The following CTTN variants were observed in gnomAD, a reference collection of about 807,000 sequenced individuals.
CTTN encodes the protein src substrate cortactin.
Under a neutral mutation model 84.0 loss-of-function variants are expected in CTTN, and 28 were observed. That is an observed-to-expected ratio of 0.33 (90% CI 0.25 to 0.46). CTTN has a LOEUF of 0.46. Among genes scored for constraint, CTTN ranks in the 20% least tolerant of loss-of-function variants. The pLI is 1.00. For synonymous variants in CTTN, 301 were observed against 288.8 expected, an observed-to-expected ratio of 1.04 and a Z score of -0.43; for missense variants, 641 against 723.8, an observed-to-expected ratio of 0.89 and a Z score of 1.31.
intron 2 of CTTN, 60 bp from the exon 3 acceptor site, chr11:70,407,238 T>G (rs1384880839): frequency 7.0e-7 from 1 of 1,432,534 alleles, no homozygotes; most frequent in African/African-American, 1.4e-5. Context: ...AGGGCTCATC[T>G]GCTGGCCTCT....
In CTTN at chr11:70,431,265, G is replaced by C. The variant is rs750275617; in HGVS notation, c.1251G>C (p.Ser417=). Residue 417 remains serine (S), a synonymous_variant, in exon 15 of 18, where the codon TCG becomes TCC. Transcript: ENST00000301843. ...AGCCAACCGAGGAGAGGCTGCCCTC[G>C]AGCCCCGTCTATGAGGTTGGTGTCT... ...APQPTEERLP[S]SPVYEDAASF... 4.3e-6 allele frequency: 7 copies of C among 1,614,006 alleles called. No individual in the cohort carries two copies. In the South Asian group the frequency reaches 7.7e-5, roughly 18 times the overall value.
intron 1 of CTTN, among the ~76,000 whole-genome samples, chr11:70,400,293 A>G (rs1195449405): frequency 6.6e-6 from 1 of 152,004 alleles, no homozygotes; most frequent in African/African-American, 2.4e-5. Context: ...ACACAGGGAG[A>G]CCTTGTGTCT....
chr11:70,421,687 G>A lies in CTTN; in HGVS notation c.901+107G>A, dbSNP rs1314543487. On this transcript the variant is annotated intron_variant, in intron 11 of 17. Coordinates refer to ENST00000301843, the MANE Select transcript of CTTN (RefSeq NM_005231.4). ...AGCACCTGCAACACAGTCCTCCTGT[G>A]TCACCACTTGTCAGCTGTCAGGCTG... The A allele has an allele frequency of 1.1e-5, 8 of 746,290 alleles. No individual in the cohort carries two copies. The East Asian group carries it at 2.0e-4, about 18-fold the overall frequency. The allele number at this position is 746,290 out of a possible 1,614,324, so 46.2% of individuals were successfully genotyped here. A position where few individuals can be genotyped will look rare whatever the true frequency, so the allele number is the denominator to read the frequency against.
At chr11:70,407,196 G>A (rs1448168815) in intron 2 of CTTN, 102 bp from the exon 3 acceptor site, 2 of 879,324 alleles carry the variant, frequency 2.3e-6, no homozygotes, top group Non-Finnish European at 1.8e-6. Context: ...TCGTCCTCCT[G>A]GGTTGCCTAG....
At chr11:70,433,044 A>C (rs527489792) in intron 15 of CTTN, 57 bp from the exon 16 acceptor site, 2 of 1,548,780 alleles carry the variant, frequency 1.3e-6, no homozygotes, top group Non-Finnish European at 1.8e-6. Context: ...CAGTACAGCT[A>C]CTGCTCTCTA....
rs370118646 is a variant in CTTN, at chr11:70,407,352, G to A, written c.55G>A (p.Ala19Thr). 6.4e-7 allele frequency: 1 copy of A among 1,571,968 alleles called. No individual in the cohort carries two copies. Among genetic ancestry groups the A allele is most frequent in the Non-Finnish European group, 8.6e-7 (1 of 1,158,560 alleles). The change falls in exon 3 of 18, where the codon GCC (alanine) becomes ACC (threonine). Residue 19 changes from alanine to threonine, a missense_variant. Physicochemically the swap from Ala to Thr is moderately conservative, Grantham distance 58. This residue lies in a region of CTTN where 284 missense variants were observed against 348.4 expected (regional missense o/e 0.82). Transcript: ENST00000301843. Reference sequence around the variant, plus strand: ...GTCCATCGCCCAGGATGACGCGGGGGCCGATGACTGGGAGACCGACCCTGA... The same window carrying A: ...GTCCATCGCCCAGGATGACGCGGGGACCGATGACTGGGAGACCGACCCTGA... ...AVSIAQDDAG[A>T]DDWETDPDFV...
At chr11:70,411,294 G>A (rs1025086171) in intron 5 of CTTN, among the ~76,000 whole-genome samples, 7 of 106,532 alleles carry the variant, frequency 6.6e-5, no homozygotes, top group African/African-American at 1.4e-4. Context: ...GTGTGCACAC[G>A]GACAGACGGA....
At chr11:70,415,956 G>T in intron 7 of CTTN, 1 of 476,424 alleles carries the variant, frequency 2.1e-6, no homozygotes. Flanking sequence ...CCCCCTCGGA[G>T]CCCTGGCATC....
chr11:70,420,309 A>C, intron 9 of CTTN, 91 bp from the exon 10 acceptor site: 1 of 825,820 alleles, frequency 1.2e-6, no homozygotes, highest in Non-Finnish European at 2.1e-6. Flanking sequence ...TGAGTGAATC[A>C]TATGCGTTTA....
At chr11:70,405,687 C>CCGCT (rs1455093866) in intron 2 of CTTN, among the ~76,000 whole-genome samples, 1 of 152,190 alleles carries the variant, frequency 6.6e-6, no homozygotes, top group African/African-American at 2.4e-5. Flanking sequence ...AGTGCCCACC[C>CCGCT]CGCTCGCTGG....
chr11:70,414,514 A>G (rs779667941), intron 5 of CTTN, 28 bp from the exon 6 acceptor site: 1 of 1,547,774 alleles, frequency 6.5e-7, no homozygotes. Context: ...GTTGGTGTCT[A>G]ATGCTTTGTG....
chr11:70,415,893 A>G, intron 7 of CTTN, 176 bp downstream of exon 7: 3 of 635,904 alleles, frequency 4.7e-6, no homozygotes, highest in South Asian at 1.8e-5. Context: ...CCTCCTCTTC[A>G]TGTTTCTGGA....
intron 2 of CTTN, among the ~76,000 whole-genome samples, chr11:70,407,093 C>T (rs889158552): frequency 4.6e-5 from 7 of 152,154 alleles, no homozygotes; most frequent in African/African-American, 1.7e-4. Context: ...CGTCAGGTGA[C>T]GGCAGTGTTA....
rs916819504 is a variant in CTTN, at chr11:70,421,658, C to T, written c.901+78C>T. 4.2e-5 allele frequency: 40 copies of T among 955,630 alleles called. 1 individual carries two copies. Among genetic ancestry groups the T allele is most frequent in the South Asian group, 9.4e-5 (7 of 74,424 alleles). The allele number at this position is 955,630 out of a possible 1,614,324, so 59.2% of individuals were successfully genotyped here. A position where few individuals can be genotyped will look rare whatever the true frequency, so the allele number is the denominator to read the frequency against. Reference sequence around the variant, plus strand: ...TTCTAGCACAGACTTCAGGGCTCACCGTCAGCACCTGCAACACAGTCCTCC... The same window carrying T: ...TTCTAGCACAGACTTCAGGGCTCACTGTCAGCACCTGCAACACAGTCCTCC... On this transcript the variant is annotated intron_variant, in intron 11 of 17. Transcript: ENST00000301843.
intron 13 of CTTN, among the ~76,000 whole-genome samples, chr11:70,427,602 C>T (rs761699761): frequency 5.9e-5 from 9 of 152,274 alleles, no homozygotes; most frequent in African/African-American, 1.9e-4. Flanking sequence ...CCTTCTGCGA[C>T]GCCGCCCAAG....
intron 15 of CTTN, among the ~76,000 whole-genome samples, chr11:70,432,258 G>A (rs980671902): frequency 2.0e-5 from 3 of 152,146 alleles, no homozygotes; most frequent in Non-Finnish European, 2.9e-5. Flanking sequence ...GGCAGCCAGC[G>A]CCATCTGCCT....
chr11:70,399,686 G>A (rs937956222), intron 1 of CTTN, among the ~76,000 whole-genome samples: 1 of 152,216 alleles, frequency 6.6e-6, no homozygotes, highest in Admixed American at 6.5e-5. Flanking sequence ...CCTTGGGTGA[G>A]AAGGGACAGG....
chr11:70,434,873 G>A (rs1158832316), intron 17 of CTTN, among the ~76,000 whole-genome samples, 153 bp from the exon 18 acceptor site: 1 of 152,264 alleles, frequency 6.6e-6, no homozygotes, highest in African/African-American at 2.4e-5. Flanking sequence ...TGGTGGCATG[G>A]GAGAGGCAGC....
In CTTN at chr11:70,407,350, G is replaced by A. The variant is rs1380855894; in HGVS notation, c.53G>A (p.Gly18Glu). ...HAVSIAQDDA[G>E]ADDWETDPDF... ...GTGTCCATCGCCCAGGATGACGCGG[G>A]GGCCGATGACTGGGAGACCGACCCT... is the stretch of plus-strand genomic sequence containing the variant. Residue 18 changes from glycine to glutamate, a missense_variant, in exon 3 of 18, where the codon GGG becomes GAG. By Grantham distance (98) the Gly-to-Glu change is moderately conservative. Around this residue, in one of 3 missense-constraint regions of CTTN, gnomAD observed 284 missense variants for 348.4 expected, o/e 0.82. Coordinates refer to ENST00000301843, the MANE Select transcript of CTTN (RefSeq NM_005231.4). The A allele has an allele frequency of 2.5e-6, 4 of 1,570,592 alleles. No individual in the cohort carries two copies. Among genetic ancestry groups the A allele is most frequent in the East Asian group, 4.7e-5 (2 of 42,364 alleles).
Sources: allele counts gnomAD v4.1 joint callset (sites outside exome capture counted in the v4.1 genomes callset), GRCh38; gene constraint gnomAD v4.1.1; regional missense constraint gnomAD v4.1.1; transcripts MANE v1.5; gene names NCBI Gene and HGNC (gene_info 2026-07-23, HGNC 2026-07-21).